ADAMTS9: variants seen among roughly 807,000 people sequenced by gnomAD.
ADAMTS9 encodes A disintegrin and metalloproteinase with thrombospondin motifs 9.
Under a neutral mutation model 257.1 loss-of-function variants are expected in ADAMTS9, and 107 were observed. The ratio of observed to expected loss-of-function variants is 0.42; its 90% confidence interval spans 0.36 to 0.49. ADAMTS9 has a LOEUF of 0.49. Ranked by LOEUF, ADAMTS9 falls within the 20% of genes least tolerant of loss-of-function variation. ADAMTS9 has a pLI of 0.03. For synonymous variants in ADAMTS9, 982 were observed against 880.9 expected (o/e 1.11, Z -2.03); for missense variants, 2,353 against 2,469.1 (o/e 0.95, Z 1.00).
chr3:64,612,191 T>C (rs1366460116), intron 22 of ADAMTS9, among the ~76,000 whole-genome samples: 1 of 151,632 alleles, frequency 6.6e-6, no homozygotes, highest in African/African-American at 2.4e-5. Context: ...CTGAACTGCA[T>C]GTTCAGTTCA....
At chr3:64,618,140 G>A (rs1268233103) in intron 19 of ADAMTS9, among the ~76,000 whole-genome samples, 3 of 152,148 alleles carry the variant, frequency 2.0e-5, no homozygotes, top group African/African-American at 7.2e-5. Context: ...TTAGGAATGA[G>A]CATGCACCTG....
chr3:64,575,843 T>C (rs545712906), intron 28 of ADAMTS9, among the ~76,000 whole-genome samples: 1 of 146,702 alleles, frequency 6.8e-6, no homozygotes, highest in Non-Finnish European at 1.5e-5. Context: ...AAATGGTACA[T>C]TTTTTTTGCA....
Position 64,633,778 on chromosome 3 carries a change from T to C in ADAMTS9, c.1958A>G (p.Gln653Arg). The change falls in exon 13 of 40, where the codon CAG becomes CGG. Residue 653 changes from glutamine (Q) to arginine (R), a missense_variant. Physicochemically the swap from Gln to Arg is conservative, Grantham distance 43 (BLOSUM62 1). Transcript: ENST00000498707. ...ATGCTTCCCGTCAAAGTGAGCACAC[T>C]GTTCATCTCGGAAGTCTCGCTTCTG... ...LKQKRDFRDE[Q>R]CAHFDGKHFN... is the part of the protein sequence containing the mutation. 1.2e-6 allele frequency: 2 copies of C among 1,613,520 alleles called. No individual in the cohort carries two copies. Among genetic ancestry groups the C allele is most frequent in the Non-Finnish European group, 1.7e-6 (2 of 1,179,912 alleles).
At chr3:64,586,709 T>C (rs749900485) in intron 28 of ADAMTS9, 1 of 152,118 alleles carries the variant, frequency 6.6e-6, no homozygotes, top group Non-Finnish European at 1.5e-5. Context: ...GTTTTTTTCT[T>C]TTTGACACTG....
chr3:64,580,221 G>C (rs1271189739), intron 28 of ADAMTS9, among the ~76,000 whole-genome samples: 1 of 152,130 alleles, frequency 6.6e-6, no homozygotes, highest in East Asian at 1.9e-4. Flanking sequence ...ACATCTAAAA[G>C]CATAAAACTG....
chr3:64,585,924 A>G (rs2084137432), intron 28 of ADAMTS9, among the ~76,000 whole-genome samples: 1 of 152,142 alleles, frequency 6.6e-6, no homozygotes, highest in African/African-American at 2.4e-5. Context: ...TTAGCTTCAG[A>G]ACATTTCAAA....
intron 28 of ADAMTS9, among the ~76,000 whole-genome samples, chr3:64,580,767 G>A (rs138402756): frequency 2.6e-4 from 39 of 152,244 alleles, no homozygotes; most frequent in African/African-American, 9.4e-4. Flanking sequence ...CAGGAATCTG[G>A]CTAAAAACCC....
chr3:64,634,214 T>G (rs1700438790), intron 12 of ADAMTS9, among the ~76,000 whole-genome samples: 1 of 152,148 alleles, frequency 6.6e-6, no homozygotes, highest in Non-Finnish European at 1.5e-5. Context: ...TTAGGCCACT[T>G]TTTGTTCCTT....
intron 12 of ADAMTS9, 68 bp from the exon 13 acceptor site, chr3:64,633,947 T>C: frequency 7.2e-7 from 1 of 1,383,284 alleles, no homozygotes; most frequent in Non-Finnish European, 1.0e-6. Flanking sequence ...CATCACTCCT[T>C]CATTCATGAC....
At chr3:64,575,809 TTG>T (rs2083828660) in intron 28 of ADAMTS9, among the ~76,000 whole-genome samples, 1 of 152,204 alleles carries the variant, frequency 6.6e-6, no homozygotes, top group South Asian at 2.1e-4. Flanking sequence ...GCAAAGCTCT[TTG>T]TGTTTCAGCC....
intron 39 of ADAMTS9, among the ~76,000 whole-genome samples, chr3:64,517,415 GGTTTTTTTT>G (rs2082788888): frequency 8.7e-5 from 1 of 11,544 alleles, no homozygotes; most frequent in African/African-American, 1.4e-4. Context: ...AATTAAAAAT[GGTTTTTTTT>G]TTTTTTTTTT....
At chr3:64,559,711 G>A (rs2083388348) in intron 30 of ADAMTS9, among the ~76,000 whole-genome samples, 2 of 152,230 alleles carry the variant, frequency 1.3e-5, no homozygotes, top group African/African-American at 2.4e-5. Flanking sequence ...GATCAGAGAA[G>A]AGGAATTTCC....
chr3:64,542,731 CA>C (rs1158601672), intron 32 of ADAMTS9, among the ~76,000 whole-genome samples: 6 of 152,124 alleles, frequency 3.9e-5, no homozygotes, highest in African/African-American at 1.4e-4. Context: ...CAAACACATT[CA>C]AAAGCTAGCA....
At chr3:64,676,340 A>T (rs1701624592) in intron 3 of ADAMTS9, among the ~76,000 whole-genome samples, 1 of 152,168 alleles carries the variant, frequency 6.6e-6, no homozygotes, top group Admixed American at 6.5e-5. Flanking sequence ...TTTTATCTGT[A>T]TTTTCTGATT....
intron 30 of ADAMTS9, among the ~76,000 whole-genome samples, chr3:64,560,799 C>T (rs924408058): frequency 3.3e-5 from 5 of 152,226 alleles, no homozygotes; most frequent in Middle Eastern, 3.4e-3. Flanking sequence ...TTTTCATTAT[C>T]TCTGCACCTC....
At chr3:64,532,025 G>C (rs1344114892) in intron 38 of ADAMTS9, among the ~76,000 whole-genome samples, 1 of 152,150 alleles carries the variant, frequency 6.6e-6, no homozygotes, top group South Asian at 2.1e-4. Flanking sequence ...CTCCTGCCAG[G>C]TCCCCCCACC....
intron 31 of ADAMTS9, 52 bp from the exon 32 acceptor site, chr3:64,547,004 C>A (rs1448671821): frequency 6.6e-7 from 1 of 1,510,818 alleles, no homozygotes. Flanking sequence ...TGGGGGCAGC[C>A]CACAATAGGC....
At chr3:64,655,103 C>T (rs181811191) in intron 6 of ADAMTS9, among the ~76,000 whole-genome samples, 1 of 152,214 alleles carries the variant, frequency 6.6e-6, no homozygotes, top group Non-Finnish European at 1.5e-5. Context: ...GGAGGTTTCA[C>T]ATTTTTAAAA....
At chr3:64,535,552 C>CTTTTTTTTTTTTTT (rs57945713) in intron 37 of ADAMTS9, among the ~76,000 whole-genome samples, 1 of 84,642 alleles carries the variant, frequency 1.2e-5, no homozygotes, top group Non-Finnish European at 2.6e-5. Context: ...CTTTTCTTTT[C>CTTTTTTTTTTTTTT]TTTTTTTTTT....
Sources: allele counts gnomAD v4.1 joint callset (sites outside exome capture counted in the v4.1 genomes callset), GRCh38; gene constraint gnomAD v4.1.1; transcripts MANE v1.5; gene names NCBI Gene and HGNC (gene_info 2026-07-23, HGNC 2026-07-21).